FSTL4: variants seen among roughly 807,000 people sequenced by gnomAD.
FSTL4 encodes follistatin like 4.
In FSTL4, 28 loss-of-function variants were observed where a neutral mutation model predicts 78.2. The ratio of observed to expected loss-of-function variants is 0.36; its 90% CI spans 0.27 to 0.49. The LOEUF (loss-of-function observed/expected upper bound fraction) is 0.49, where lower values mean the gene tolerates loss of function less well. Among genes scored for constraint, FSTL4 ranks in the 20% least tolerant of loss-of-function variants. FSTL4 has a pLI of 0.98. For synonymous variants in FSTL4, 422 were observed against 440.5 expected, an observed-to-expected ratio of 0.96 and a Z score of 0.53; for missense variants, 922 against 1,084.9, an observed-to-expected ratio of 0.85 and a Z score of 2.11.
At chr5:133,257,857 C>G (rs754577565) in intron 6 of FSTL4, among the ~76,000 whole-genome samples, 2 of 152,338 alleles carry the variant, frequency 1.3e-5, no homozygotes, top group South Asian at 2.1e-4. Flanking sequence ...GGGCATACCT[C>G]TGCTCAAGAT....
At chr5:133,233,222 G>A (rs534126762) in intron 8 of FSTL4, among the ~76,000 whole-genome samples, 195 bp downstream of exon 8, 46 of 152,380 alleles carry the variant, frequency 3.0e-4, no homozygotes, top group African/African-American at 1.0e-3. Flanking sequence ...GAGGCTTTGG[G>A]TGGAGCCAAA....
At chr5:133,261,323 A>G (rs1248381647) in intron 6 of FSTL4, among the ~76,000 whole-genome samples, 1 of 152,154 alleles carries the variant, frequency 6.6e-6, no homozygotes, top group East Asian at 1.9e-4. Flanking sequence ...TGGAGGCATC[A>G]CACGTAGGTA....
At chr5:133,502,421 A>G (rs1469736082) in intron 3 of FSTL4, among the ~76,000 whole-genome samples, 1 of 152,204 alleles carries the variant, frequency 6.6e-6, no homozygotes, top group Non-Finnish European at 1.5e-5. Flanking sequence ...AGCATCCCCT[A>G]GCTAATAGTC....
chr5:133,746,702 C>T, the FSTL4 span, among the ~76,000 whole-genome samples: 1 of 152,054 alleles, frequency 6.6e-6, no homozygotes, highest in East Asian at 1.9e-4. Context: ...AAAGACATTG[C>T]CACTATACAA....
At chr5:133,460,857 C>T (rs575215430) in intron 3 of FSTL4, among the ~76,000 whole-genome samples, 13 of 152,364 alleles carry the variant, frequency 8.5e-5, no homozygotes, top group African/African-American at 2.9e-4. Context: ...ACTTCTCATC[C>T]TCTTTCAGTT....
rs1272236241 is a variant in FSTL4 at position 133,201,914 on chromosome 5, C to T, written c.1826+19G>A. 1.4e-6 allele frequency: 2 copies of T among 1,437,754 alleles called. No homozygotes were observed. Among genetic ancestry groups the T allele is most frequent in the African/African-American group, 2.8e-5 (2 of 71,652 alleles). The allele number at this position is 1,437,754 out of a possible 1,614,324, so 89.1% of individuals were successfully genotyped here. ...GCTGGAGCGGGGAGTGCCTTAGAGG[C>T]ATCATGGGCCAGTCTCACCTGATGT... On this transcript the variant is annotated intron_variant, in intron 15 of 15. Transcript: ENST00000265342.
intron 11 of FSTL4, among the ~76,000 whole-genome samples, chr5:133,222,977 C>G (rs2126790817): frequency 6.6e-6 from 1 of 152,312 alleles, no homozygotes; most frequent in Middle Eastern, 3.4e-3. Flanking sequence ...ACCTACCAAC[C>G]CTATGCCCCA....
the FSTL4 span, among the ~76,000 whole-genome samples, chr5:133,635,310 A>T: frequency 6.6e-6 from 1 of 152,252 alleles, no homozygotes; most frequent in African/African-American, 2.4e-5. Context: ...AACACAAGGT[A>T]GCCTCCAGAG....
chr5:133,703,008 G>A, the FSTL4 span, among the ~76,000 whole-genome samples: 3 of 152,242 alleles, frequency 2.0e-5, no homozygotes, highest in African/African-American at 7.2e-5. Flanking sequence ...TCCCATGACA[G>A]GGAGGCCCTG....
At chr5:133,792,950 C>T in the FSTL4 span, among the ~76,000 whole-genome samples, 22 of 152,322 alleles carry the variant, frequency 1.4e-4, no homozygotes, top group Admixed American at 4.6e-4. Flanking sequence ...GGGAAAAGGG[C>T]GTTCAGAATC....
chr5:133,293,157 C>T (rs936625276), intron 6 of FSTL4, among the ~76,000 whole-genome samples: 7 of 152,350 alleles, frequency 4.6e-5, no homozygotes, highest in Non-Finnish European at 7.4e-5. Flanking sequence ...GAGAGGCAGG[C>T]GGCCATCTTG....
intron 3 of FSTL4, among the ~76,000 whole-genome samples, chr5:133,479,212 G>A (rs935205463): frequency 1.2e-4 from 18 of 152,130 alleles, no homozygotes; most frequent in African/African-American, 4.3e-4. Context: ...CCATGAAGGC[G>A]GGGACCATGT....
intron 4 of FSTL4, among the ~76,000 whole-genome samples, chr5:133,387,299 A>C (rs1181499630): frequency 2.6e-5 from 4 of 152,184 alleles, no homozygotes; most frequent in African/African-American, 9.6e-5. Flanking sequence ...AGTAACTGGG[A>C]AAGTTATCTG....
chr5:133,223,551 C>A (rs1309973921), intron 11 of FSTL4, among the ~76,000 whole-genome samples: 1 of 152,160 alleles, frequency 6.6e-6, no homozygotes, highest in Admixed American at 6.5e-5. Flanking sequence ...CCCGGGCATG[C>A]ACCTGCACCC....
At chr5:133,403,226 A>G (rs1368945704) in intron 3 of FSTL4, among the ~76,000 whole-genome samples, 1 of 152,210 alleles carries the variant, frequency 6.6e-6, no homozygotes, top group African/African-American at 2.4e-5. Flanking sequence ...GCAACCCACT[A>G]ATTGCCCATT....
At chr5:133,729,907 T>A in the FSTL4 span, among the ~76,000 whole-genome samples, 3 of 152,022 alleles carry the variant, frequency 2.0e-5, no homozygotes, top group East Asian at 5.8e-4. Flanking sequence ...GCAGGCTCAG[T>A]GGGAAGAGCC....
At chr5:133,352,678 T>C (rs1443504632) in intron 4 of FSTL4, among the ~76,000 whole-genome samples, 2 of 152,248 alleles carry the variant, frequency 1.3e-5, no homozygotes, top group Admixed American at 6.5e-5. Flanking sequence ...GTTTAGCTCC[T>C]ACTTATAAGT....
At chr5:133,538,662 A>C (rs1759404339) in intron 3 of FSTL4, among the ~76,000 whole-genome samples, 1 of 152,086 alleles carries the variant, frequency 6.6e-6, no homozygotes, top group Non-Finnish European at 1.5e-5. Context: ...TTATGTATGT[A>C]GGGACTCATG....
intron 4 of FSTL4, among the ~76,000 whole-genome samples, chr5:133,366,187 C>T (rs2126938835): frequency 6.6e-6 from 1 of 152,308 alleles, no homozygotes; most frequent in Admixed American, 6.5e-5. Flanking sequence ...ACTTGCTGAG[C>T]CTTGGTGTGG....
Sources: gnomAD v4.1 joint callset for allele counts (sites outside exome capture counted in the v4.1 genomes callset) on GRCh38, gnomAD v4.1.1 for gene constraint, MANE v1.5 for transcripts, NCBI Gene and HGNC (gene_info 2026-07-23, HGNC 2026-07-21) for gene names.